Variants in PTPRD observed in about 807,000 individuals in gnomAD.
The protein encoded by PTPRD is protein tyrosine phosphatase receptor type D.
A neutral mutation model predicts 214.5 loss-of-function variants in PTPRD; 34 were observed. That is an observed-to-expected ratio of 0.16 (90% CI 0.12 to 0.21). The LOEUF is 0.21. Among genes scored for constraint, PTPRD ranks in the 10% least tolerant of loss-of-function variants. PTPRD has a pLI of 1.00. For missense variants in PTPRD, 2,545 were observed against 2,398.7 expected (o/e 1.06, Z -1.27); for synonymous variants, 1,128 against 845.7 (o/e 1.33, Z -5.79).
At chr9:9,201,001 G>A (rs768075813) in intron 9 of PTPRD, among the ~76,000 whole-genome samples, 44 of 152,090 alleles carry the variant, frequency 2.9e-4, no homozygotes, top group African/African-American at 9.4e-4. Context: ...TCTAAACACC[G>A]TTTTACTGAA....
intron 7 of PTPRD, among the ~76,000 whole-genome samples, chr9:9,656,327 T>A (rs1367151409): frequency 1.3e-5 from 2 of 152,208 alleles, no homozygotes; most frequent in Non-Finnish European, 2.9e-5. Context: ...TTAGGGGAGC[T>A]TTATTGACAA....
intron 3 of PTPRD, among the ~76,000 whole-genome samples, chr9:10,164,478 A>G (rs1391688406): frequency 1.3e-5 from 2 of 151,570 alleles, no homozygotes; most frequent in African/African-American, 4.8e-5. Context: ...GTTACCTGAA[A>G]AAAAAAATCT....
rs1463862724 is a variant in PTPRD at position 10,169,872 on chromosome 9, G to A, written c.-544-136082C>T. 3.3e-5 allele frequency among the ~76,000 whole-genome samples: 5 copies of A among 152,284 alleles called. No homozygotes were observed. The South Asian group carries it at 6.2e-4, about 19-fold the overall frequency. ...ATCCATGCTAGTATGCTCAATAGAAGGTGATTCCAAGTGGGTCAAAATATT... is the reference window on the plus strand; with the variant it reads ...ATCCATGCTAGTATGCTCAATAGAAAGTGATTCCAAGTGGGTCAAAATATT... On this transcript the variant is annotated intron_variant, in intron 3 of 45. Coordinates refer to ENST00000381196, the MANE Select transcript of PTPRD (RefSeq NM_002839.4).
intron 27 of PTPRD, among the ~76,000 whole-genome samples, chr9:8,487,871 CG>C (rs1224367905): frequency 1.3e-5 from 2 of 150,738 alleles, no homozygotes; most frequent in Non-Finnish European, 3.0e-5. Flanking sequence ...CTTATCTCTA[CG>C]GGGGGAGGGG....
chr9:9,863,394 GA>G (rs1198823655), intron 5 of PTPRD, among the ~76,000 whole-genome samples: 46 of 152,300 alleles, frequency 3.0e-4, no homozygotes, highest in African/African-American at 1.1e-3. Context: ...GTAAAATCAA[GA>G]ATGTAAGAGT....
chr9:9,411,982 A>T (rs2075583411), intron 8 of PTPRD, among the ~76,000 whole-genome samples: 1 of 152,208 alleles, frequency 6.6e-6, no homozygotes, highest in Non-Finnish European at 1.5e-5. Flanking sequence ...TCAGTGAAGG[A>T]TGCCAGGGCC....
chr9:8,429,904 T>G (rs544765331), intron 35 of PTPRD, among the ~76,000 whole-genome samples: 1 of 152,318 alleles, frequency 6.6e-6, no homozygotes, highest in South Asian at 2.1e-4. Flanking sequence ...ATACATAGCT[T>G]TAAGGTAATA....
At chr9:9,793,399 C>T (rs1006600949) in intron 5 of PTPRD, among the ~76,000 whole-genome samples, 1 of 152,044 alleles carries the variant, frequency 6.6e-6, no homozygotes, top group African/African-American at 2.4e-5. Context: ...AACTCATGAT[C>T]TTCTATTATC....
intron 10 of PTPRD, among the ~76,000 whole-genome samples, chr9:9,165,010 C>T (rs892914689): frequency 6.7e-6 from 1 of 150,064 alleles, no homozygotes; most frequent in Non-Finnish European, 1.5e-5. Context: ...TGAGATCATG[C>T]CACTGCACTC....
chr9:8,517,588 A>C (rs370463485), intron 21 of PTPRD, among the ~76,000 whole-genome samples: 4 of 152,240 alleles, frequency 2.6e-5, no homozygotes, highest in African/African-American at 9.6e-5. Context: ...ACATTGTTCT[A>C]TCTCACATAG....
chr9:9,783,474 A>C (rs1342759750), intron 5 of PTPRD, among the ~76,000 whole-genome samples: 1 of 152,144 alleles, frequency 6.6e-6, no homozygotes, highest in Non-Finnish European at 1.5e-5. Flanking sequence ...ATGAACTTAC[A>C]AATTAAAATG....
chr9:9,669,933 T>C (rs550922592), intron 7 of PTPRD, among the ~76,000 whole-genome samples: 2 of 152,310 alleles, frequency 1.3e-5, no homozygotes, highest in South Asian at 4.1e-4. Flanking sequence ...TATTAATTCA[T>C]TTACCATATC....
chr9:9,267,819 T>C (rs1940757786), intron 9 of PTPRD, among the ~76,000 whole-genome samples: 1 of 151,032 alleles, frequency 6.6e-6, no homozygotes, highest in Non-Finnish European at 1.5e-5. Context: ...TTGACAAAAT[T>C]GAACATATTT....
intron 10 of PTPRD, among the ~76,000 whole-genome samples, chr9:9,070,303 T>A (rs1351126804): frequency 6.6e-6 from 1 of 152,200 alleles, no homozygotes; most frequent in East Asian, 1.9e-4. Context: ...TAAGGCGTCT[T>A]GTAATTCTAC....
At chr9:8,518,560 A>C (rs772377965) in intron 20 of PTPRD, 131 bp from the exon 21 acceptor site, 210 of 701,406 alleles carry the variant, frequency 3.0e-4, no homozygotes, top group Non-Finnish European at 3.6e-4. Flanking sequence ...AATTATAGCA[A>C]AGAGTAGTTT....
At chr9:9,278,958 T>C (rs2133413273) in intron 9 of PTPRD, among the ~76,000 whole-genome samples, 1 of 151,440 alleles carries the variant, frequency 6.6e-6, no homozygotes, top group Admixed American at 6.6e-5. Flanking sequence ...CTGCTCATTG[T>C]TTTTGTGTCA....
chr9:8,875,975 T>C (rs1302267612), intron 11 of PTPRD, among the ~76,000 whole-genome samples: 1 of 152,234 alleles, frequency 6.6e-6, no homozygotes, highest in Non-Finnish European at 1.5e-5. Flanking sequence ...ACCAATCCTG[T>C]AGCCCTATGC....
chr9:9,627,165 A>G (rs10977888), intron 7 of PTPRD, among the ~76,000 whole-genome samples: 56,778 of 151,970 alleles, frequency 0.37, 11,008 homozygotes, highest in Middle Eastern at 0.44. Context: ...AAATACAAAA[A>G]TTAGCCAGGT....
Position 10,452,351 on chromosome 9 carries a change from G to T in PTPRD, c.-599-111334C>A, listed in dbSNP as rs145774135. ...TGAATATGTGCCTTTAAGAGTGATT[G>T]ATGGATTTTACGGTAACTCTATTTT... On this transcript the variant is annotated intron_variant, in intron 2 of 45. Transcript: ENST00000381196. Among the ~76,000 whole-genome samples, 636 of 151,812 alleles carry T rather than the reference G, an allele frequency of 4.2e-3. 3 individuals are homozygous for T. The highest frequency in any genetic ancestry group is 0.014 in the African/African-American group (599 of 41,454).
Sources: gnomAD v4.1 joint callset for allele counts (sites outside exome capture counted in the v4.1 genomes callset) on GRCh38, gnomAD v4.1.1 for gene constraint, MANE v1.5 for transcripts, NCBI Gene and HGNC (gene_info 2026-07-23, HGNC 2026-07-21) for gene names.